Variants in VWA8 observed in about 807,000 individuals in gnomAD.
The protein encoded by VWA8 is von Willebrand factor A domain containing 8, also known as von Willebrand factor A domain-containing protein 8.
A neutral mutation model predicts 241.5 loss-of-function variants in VWA8; 221 were observed. The observed-to-expected ratio is 0.91, with a 90% CI of 0.82 to 1.02. The LOEUF (loss-of-function observed/expected upper bound fraction) is 1.02, where lower values mean the gene tolerates loss of function less well. Among genes scored for constraint, VWA8 ranks in the 50% least tolerant of loss-of-function variants. The pLI, the probability that VWA8 is intolerant of heterozygous loss-of-function variation, is 0.00. For missense variants in VWA8, 2,322 were observed against 2,328.7 expected, an observed-to-expected ratio of 1.00 and a Z score of 0.06; for synonymous variants, 852 against 827.1, an observed-to-expected ratio of 1.03 and a Z score of -0.52.
rs139143663 is a variant in VWA8, at chr13:41,585,206, T to C, written c.5271+2306A>G. ...ATTATAGACTTTTATAAGTGAGAAC[T>C]GAATAAATGGAGATCTTTCTATACA... is the stretch of plus-strand genomic sequence containing the variant. On this transcript the variant is annotated intron_variant, in intron 42 of 44. Coordinates refer to ENST00000379310, the MANE Select transcript of VWA8 (RefSeq NM_015058.2). 5.3e-4 allele frequency among the ~76,000 whole-genome samples: 81 copies of C among 152,330 alleles called. 1 individual carries two copies. The South Asian group carries it at 0.011, about 20-fold the overall frequency.
chr13:41,611,461 C>T (rs1056669216), intron 39 of VWA8, 115 bp downstream of exon 39: 14 of 1,382,620 alleles, frequency 1.0e-5, no homozygotes, highest in South Asian at 1.6e-5. Context: ...GTTTGAGGTC[C>T]GAGTTGCTGC....
At chr13:41,729,398 T>C (rs2045462836) in intron 23 of VWA8, 144 bp downstream of exon 23, 1 of 813,136 alleles carries the variant, frequency 1.2e-6, no homozygotes, top group African/African-American at 1.8e-5. Flanking sequence ...TTAATTTTTA[T>C]AAATGATTGT....
intron 21 of VWA8, among the ~76,000 whole-genome samples, chr13:41,750,271 A>G (rs2045645175): frequency 6.6e-6 from 1 of 151,912 alleles, no homozygotes; most frequent in South Asian, 2.1e-4. Context: ...TGTCTCTACT[A>G]AAAATACAAA....
At chr13:41,854,715 A>G (rs1228261923) in intron 12 of VWA8, among the ~76,000 whole-genome samples, 1 of 152,182 alleles carries the variant, frequency 6.6e-6, no homozygotes, top group African/African-American at 2.4e-5. Flanking sequence ...GAAATACAGT[A>G]GTTATTACAG....
At chr13:41,639,159 CTT>C (rs58695029) in intron 37 of VWA8, among the ~76,000 whole-genome samples, 8 of 146,386 alleles carry the variant, frequency 5.5e-5, no homozygotes, top group African/African-American at 7.5e-5. Context: ...GCTTAAAAGA[CTT>C]TTTTTTTTTT....
rs757725757 is a variant in VWA8 at position 41,691,400 on chromosome 13, G to A, written c.3786C>T (p.Thr1262=). The A allele has an allele frequency of 1.9e-6, 3 of 1,612,800 alleles. No individual in the cohort carries two copies. In the Admixed American group the frequency reaches 5.0e-5, roughly 27 times the overall value. The part of the protein sequence containing the change: ...VLDVLEGRTH[T]ISLPINLKTV... Reference sequence around the variant, plus strand: ...TCTTGAGGTTGATGGGAAGTGAGATGGTGTGAGTTCGCCCTTCTAGAACAT... The same window carrying A: ...TCTTGAGGTTGATGGGAAGTGAGATAGTGTGAGTTCGCCCTTCTAGAACAT... The change falls in exon 32 of 45, where the codon ACC becomes ACT. Residue 1262 remains threonine (T), a synonymous_variant. Coordinates refer to ENST00000379310, the MANE Select transcript of VWA8 (RefSeq NM_015058.2).
At chr13:41,911,549 T>C (rs1875998879) in intron 3 of VWA8, among the ~76,000 whole-genome samples, 1 of 152,254 alleles carries the variant, frequency 6.6e-6, no homozygotes, top group Admixed American at 6.5e-5. Context: ...TCTGTGAACT[T>C]GTTTTCTCAT....
chr13:41,691,357 C>G lies in VWA8; in HGVS notation c.3829G>C (p.Glu1277Gln). The G allele has an allele frequency of 6.2e-7, 1 of 1,612,630 alleles. No homozygotes were observed. Among genetic ancestry groups the G allele is most frequent in the South Asian group, 1.1e-5 (1 of 91,046 alleles). The change falls in exon 32 of 45, where the codon GAG (glutamate) becomes CAG (glutamine). Residue 1277 changes from glutamate to glutamine, a missense_variant. By Grantham distance (29) the Glu-to-Gln change is conservative (BLOSUM62 2). Coordinates refer to ENST00000379310, the MANE Select transcript of VWA8 (RefSeq NM_015058.2). ...INLKTVFLVA[E>Q]DKWLLVESKT... is the part of the protein sequence containing the mutation. ...CTCTCCACCAGAAGCCATTTGTCCT[C>G]TGCTACAAGGAAAACTGTCTTGAGG...
In VWA8 at chr13:41,863,212, C is replaced by T. The variant is rs1205386302; in HGVS notation, c.1425+2524G>A. ...CTAGCCTCCCAGCCTACATCTTTCT[C>T]GCGTGCTGGATGCTTCCTGCCCTCA... On this transcript the variant is annotated intron_variant, in intron 12 of 44. Coordinates refer to ENST00000379310, the MANE Select transcript of VWA8 (RefSeq NM_015058.2). 5.3e-5 allele frequency among the ~76,000 whole-genome samples: 8 copies of T among 151,382 alleles called. No homozygotes were observed. In the South Asian group the frequency reaches 8.4e-4, roughly 16 times the overall value.
intron 28 of VWA8, 67 bp from the exon 29 acceptor site, chr13:41,699,337 G>C (rs1394583303): frequency 3.4e-6 from 5 of 1,467,298 alleles, no homozygotes; most frequent in Non-Finnish European, 4.8e-6. Flanking sequence ...AAGAGGTCTA[G>C]TGAAAACTGA....
Position 41,898,465 on chromosome 13 carries a change from G to C in VWA8, c.484-6878C>G, listed in dbSNP as rs1317115940. On this transcript the variant is annotated intron_variant, in intron 4 of 44. Coordinates refer to ENST00000379310, the MANE Select transcript of VWA8 (RefSeq NM_015058.2). ...TGGTGTGTTTACAATCCCTGAGCTA[G>C]ACATAAAGACTCTCCACATCCCCAC... is the stretch of plus-strand genomic sequence containing the variant. 2.6e-5 allele frequency among the ~76,000 whole-genome samples: 4 copies of C among 152,244 alleles called. No individual in the cohort carries two copies. The East Asian group carries it at 7.7e-4, about 29-fold the overall frequency.
rs1231144495 is a variant in VWA8 at position 41,887,213 on chromosome 13, T to C, written c.800A>G (p.Tyr267Cys). 2 of 1,612,310 alleles carry C rather than the reference T, an allele frequency of 1.2e-6. No individual in the cohort carries two copies. The highest frequency in any genetic ancestry group is 2.7e-5 in the African/African-American group (2 of 74,870). ...LRSRFQARDI[Y>C]YLPFKDQLKL... ...CTTACTTACCTTGAAGGGTAAATAA[T>C]AAATATCCCTGGCTTGAAATCGAGA... Residue 267 changes from tyrosine (Y) to cysteine (C), a missense_variant, in exon 6 of 45, where the codon TAT (tyrosine) becomes TGT (cysteine). Transcript: ENST00000379310.
chr13:41,587,457 C>T lies in VWA8; in HGVS notation c.5271+55G>A. 1.9e-6 allele frequency: 3 copies of T among 1,604,034 alleles called. No individual in the cohort carries two copies. The South Asian group carries it at 3.3e-5, about 18-fold the overall frequency. ...CACTCTGGATGGAGTTTGAATCCAC[C>T]TATCCATCATCATGGTCAATGATGC... On this transcript the variant is annotated intron_variant, in intron 42 of 44. Transcript: ENST00000379310.
chr13:41,761,293 T>C, intron 20 of VWA8, 89 bp from the exon 21 acceptor site: 10 of 1,267,018 alleles, frequency 7.9e-6, no homozygotes, highest in Non-Finnish European at 1.0e-5. Context: ...TACCAAAACC[T>C]GCTTTCTCAC....
intron 14 of VWA8, among the ~76,000 whole-genome samples, chr13:41,828,494 T>G (rs1440393270): frequency 1.3e-5 from 2 of 152,210 alleles, no homozygotes; most frequent in African/African-American, 2.4e-5. Context: ...AAGAAGTATT[T>G]TCCTTCAAAC....
At chr13:41,813,915 C>G (rs1001097231) in intron 16 of VWA8, among the ~76,000 whole-genome samples, 3 of 152,070 alleles carry the variant, frequency 2.0e-5, no homozygotes, top group Non-Finnish European at 4.4e-5. Flanking sequence ...ATATGAAGCA[C>G]ATTCCCCTAG....
chr13:41,951,234 T>C (rs891059850), intron 1 of VWA8, among the ~76,000 whole-genome samples: 2 of 151,838 alleles, frequency 1.3e-5, no homozygotes, highest in African/African-American at 4.8e-5. Context: ...CTGACCAACA[T>C]GGTAAAACCC....
At chr13:41,893,820 G>A (rs2138088386) in intron 4 of VWA8, among the ~76,000 whole-genome samples, 1 of 152,210 alleles carries the variant, frequency 6.6e-6, no homozygotes, top group African/African-American at 2.4e-5. Context: ...GGAGGCAGAG[G>A]TTGCAATGAG....
At chr13:41,590,505 T>C (rs957128633) in intron 41 of VWA8, 135 bp downstream of exon 41, 11 of 976,282 alleles carry the variant, frequency 1.1e-5, no homozygotes, top group Non-Finnish European at 1.4e-5. Flanking sequence ...CTTCTTTTTT[T>C]TTTTTTTTAA....
Sources: gnomAD v4.1 joint callset for allele counts (sites outside exome capture counted in the v4.1 genomes callset) on GRCh38, gnomAD v4.1.1 for gene constraint, MANE v1.5 for transcripts, NCBI Gene and HGNC (gene_info 2026-07-23, HGNC 2026-07-21) for gene names.